RGSL1: variants seen among roughly 807,000 people sequenced by gnomAD.
The protein encoded by RGSL1 is regulator of G protein signaling like 1.
Under a neutral mutation model 124.7 loss-of-function variants are expected in RGSL1, and 97 were observed. That is an observed-to-expected ratio of 0.78 (90% CI 0.66 to 0.92). RGSL1 has a LOEUF of 0.92. RGSL1 is among the 40% of genes least tolerant of loss of function. The pLI is 0.00. For synonymous variants in RGSL1, 424 were observed against 438.1 expected (o/e 0.97, Z 0.40); for missense variants, 1,233 against 1,288.4 (o/e 0.96, Z 0.66).
chr1:182,456,179 G>A (rs961654342), intron 2 of RGSL1, among the ~76,000 whole-genome samples: 3 of 152,176 alleles, frequency 2.0e-5, no homozygotes, highest in African/African-American at 7.2e-5. Flanking sequence ...GGATGGTGGT[G>A]TCAGGCAACA....
intron 4 of RGSL1, among the ~76,000 whole-genome samples, chr1:182,467,427 C>T (rs58137114): frequency 0.011 from 1,627 of 152,146 alleles, 26 homozygotes; most frequent in African/African-American, 0.036. Flanking sequence ...GAGATATAGA[C>T]CAACGGAACA....
intron 1 of RGSL1, chr1:182,453,690 A>T (rs1244971883): frequency 2.9e-6 from 1 of 339,098 alleles, no homozygotes. Context: ...CACAGTAGGA[A>T]AAAAGAAATC....
At chr1:182,492,988 C>T (rs1434354295) in intron 8 of RGSL1, 34 bp from the exon 9 acceptor site, 2 of 1,413,836 alleles carry the variant, frequency 1.4e-6, no homozygotes, top group Non-Finnish European at 2.0e-6. Context: ...CTTTGGACAA[C>T]TAAACTCTAT....
chr1:182,458,399 T>G lies in RGSL1; in HGVS notation c.171+6T>G. ...CAGAAATACCTTGTAACTTGGTGAG[T>G]AAAATTCTTCAGAGGTAGAGAGTTT... is the stretch of plus-strand genomic sequence containing the variant. On this transcript the variant is annotated splice_donor_region_variant and intron_variant, in intron 3 of 21. Coordinates refer to ENST00000294854, the MANE Select transcript of RGSL1 (RefSeq NM_001137669.2). 2 of 1,549,102 alleles carry G rather than the reference T, an allele frequency of 1.3e-6. No individual in the cohort carries two copies. The highest frequency in any genetic ancestry group is 1.7e-6 in the Non-Finnish European group (2 of 1,144,430).
At chr1:182,530,475 T>C in intron 12 of RGSL1, 114 bp downstream of exon 12, 1 of 838,552 alleles carries the variant, frequency 1.2e-6, no homozygotes, top group Non-Finnish European at 1.8e-6. Context: ...CCAGAGCCTC[T>C]CTACAAAATA....
chr1:182,488,217 C>CAT, intron 6 of RGSL1, 68 bp from the exon 7 acceptor site: 1 of 1,429,432 alleles, frequency 7.0e-7, no homozygotes, highest in African/African-American at 1.4e-5. Flanking sequence ...CCCAGGTGAA[C>CAT]ATATGCAGGA....
intron 15 of RGSL1, among the ~76,000 whole-genome samples, chr1:182,547,237 T>C (rs1660267733): frequency 6.6e-6 from 1 of 152,198 alleles, no homozygotes; most frequent in Non-Finnish European, 1.5e-5. Flanking sequence ...CTCAGGATGA[T>C]AGGTGCTATG....
intron 14 of RGSL1, among the ~76,000 whole-genome samples, chr1:182,535,368 T>G (rs1000967865): frequency 2.6e-5 from 4 of 151,084 alleles, no homozygotes; most frequent in Admixed American, 2.0e-4. Flanking sequence ...TAAGCCAGAG[T>G]GTGTGTGTGT....
At chr1:182,553,382 GCTTA>G in intron 18 of RGSL1, 69 bp from the exon 19 acceptor site, 1 of 1,108,008 alleles carries the variant, frequency 9.0e-7, no homozygotes, top group East Asian at 2.6e-5. Context: ...GAGCTTTATT[GCTTA>G]CTTAGAGAGA....
At chr1:182,534,560 G>T (rs1037508547) in intron 14 of RGSL1, among the ~76,000 whole-genome samples, 2 of 152,198 alleles carry the variant, frequency 1.3e-5, no homozygotes, top group African/African-American at 4.8e-5. Context: ...GGGCACGGTG[G>T]CTTACGCCTG....
chr1:182,458,100 G>A (rs1398858544), intron 2 of RGSL1, among the ~76,000 whole-genome samples: 2 of 152,242 alleles, frequency 1.3e-5, no homozygotes, highest in South Asian at 2.1e-4. Flanking sequence ...TTGGGGCGTG[G>A]TGGAGCCAAA....
chr1:182,466,123 G>GA (rs35257455), intron 4 of RGSL1, among the ~76,000 whole-genome samples: 34 of 150,342 alleles, frequency 2.3e-4, no homozygotes, highest in South Asian at 1.3e-3. Context: ...ACCCTTTCAT[G>GA]AAAAAAAAAT....
intron 9 of RGSL1, among the ~76,000 whole-genome samples, chr1:182,518,019 A>C (rs1018148254): frequency 6.6e-6 from 1 of 151,214 alleles, no homozygotes; most frequent in African/African-American, 2.4e-5. Flanking sequence ...TTTATATTGA[A>C]TATATTTGCT....
Position 182,558,054 on chromosome 1 carries a change from AGAAG to A in RGSL1, c.*165+1855_*165+1858del, listed in dbSNP as rs111778820. 1.4e-3 allele frequency among the ~76,000 whole-genome samples: 209 copies of A among 151,548 alleles called. 1 individual carries two copies. The highest frequency in any genetic ancestry group is 4.6e-3 in the East Asian group (24 of 5,176). ...CCAGAGCTTCTACTTAGGAATAAAAAGAAGGAAGGAAGGAAGGAAGGAAGGAGGG... is the reference window on the plus strand; with the variant it reads ...CCAGAGCTTCTACTTAGGAATAAAAAGAAGGAAGGAAGGAAGGAAGGAGGG... On this transcript the variant is annotated intron_variant, in intron 21 of 21. Transcript: ENST00000294854.
intron 4 of RGSL1, among the ~76,000 whole-genome samples, chr1:182,461,136 CT>C (rs35666062): frequency 4.0e-4 from 60 of 149,076 alleles, no homozygotes; most frequent in Non-Finnish European, 5.4e-4. Flanking sequence ...TCATTTTTCT[CT>C]TTTTTTTTTC....
intron 9 of RGSL1, among the ~76,000 whole-genome samples, chr1:182,511,509 C>CT (rs1259540736): frequency 6.6e-6 from 1 of 152,176 alleles, no homozygotes. Flanking sequence ...ATTGAAGAGA[C>CT]TGTTATTTCC....
At chr1:182,460,481 G>A in intron 4 of RGSL1, 1 of 374,396 alleles carries the variant, frequency 2.7e-6, no homozygotes, top group South Asian at 2.1e-5. Context: ...GCAGAACATA[G>A]TAAAATTGCC....
chr1:182,548,972 C>T, intron 17 of RGSL1, 148 bp downstream of exon 17: 1 of 923,320 alleles, frequency 1.1e-6, no homozygotes, highest in Non-Finnish European at 1.6e-6. Context: ...CTATTCACCT[C>T]ACTCCATCCC....
intron 9 of RGSL1, among the ~76,000 whole-genome samples, chr1:182,494,307 T>C (rs1031094548): frequency 1.3e-5 from 2 of 152,180 alleles, no homozygotes. Flanking sequence ...AGGAGCTTAA[T>C]GCGATTGAAC....
Sources: allele counts gnomAD v4.1 joint callset (sites outside exome capture counted in the v4.1 genomes callset), GRCh38; gene constraint gnomAD v4.1.1; transcripts MANE v1.5; gene names NCBI Gene and HGNC (gene_info 2026-07-23, HGNC 2026-07-21).